The following POLR2F variants were observed in gnomAD, a reference collection of about 807,000 sequenced individuals.
POLR2F encodes RNA polymerase II, I and III subunit F.
Under a neutral mutation model 22.7 loss-of-function variants are expected in POLR2F, and 12 were observed. The observed-to-expected ratio is 0.53, with a 90% CI of 0.34 to 0.86. The LOEUF (loss-of-function observed/expected upper bound fraction) is 0.86, where lower values mean the gene tolerates loss of function less well. Ranked by LOEUF, POLR2F falls within the 40% of genes least tolerant of loss-of-function variation. POLR2F has a pLI of 0.02. For synonymous variants in POLR2F, 57 were observed against 66.0 expected (o/e 0.86, Z 0.66); for missense variants, 126 against 171.5 (o/e 0.73, Z 1.48).
chr22:37,956,115 G>T (rs1302933337), intron 1 of POLR2F, among the ~76,000 whole-genome samples: 3 of 150,400 alleles, frequency 2.0e-5, no homozygotes, highest in Non-Finnish European at 1.5e-5. Context: ...TTGAGACGGA[G>T]TTTCACTCTT....
chr22:38,031,590 C>T (rs1357645824), downstream of POLR2F, among the ~76,000 whole-genome samples: 1 of 152,194 alleles, frequency 6.6e-6, no homozygotes, highest in African/African-American at 2.4e-5. The surrounding 1 kb of genome is among the most constrained non-coding windows in gnomAD (Gnocchi z 4.1). Flanking sequence ...CCCACCAGCA[C>T]CAACACCCTG....
At chr22:37,991,995 G>A (rs1932737058) in intron 1 of POLR2F, among the ~76,000 whole-genome samples, 2 of 152,206 alleles carry the variant, frequency 1.3e-5, no homozygotes, top group Non-Finnish European at 2.9e-5. Flanking sequence ...GAAGGAATGA[G>A]CATGCGCTCC....
In POLR2F at chr22:37,978,069, C is replaced by A; in HGVS notation, c.293+10899C>A. On this transcript the variant is annotated intron_variant, in intron 4 of 4. Coordinates refer to the POLR2F transcript ENST00000405557. This position sits in a 1 kb window ranked among gnomAD's most constrained non-coding sequence, Gnocchi z 5.0. The stretch of plus-strand genomic sequence containing the variant: ...GGTACTTGTAGTCCGGGTGGTCTTT[C>A]TTGTGCTGCATACGGAGCCGCTCAG... 1 of 1,609,176 alleles carries A rather than the reference C, an allele frequency of 6.2e-7. No homozygotes were observed. The highest frequency in any genetic ancestry group is 1.1e-5 in the South Asian group (1 of 90,662).
chr22:37,960,656 C>T (rs1474951023), intron 3 of POLR2F, among the ~76,000 whole-genome samples: 1 of 152,126 alleles, frequency 6.6e-6, no homozygotes, highest in Non-Finnish European at 1.5e-5. Flanking sequence ...CCGCCTCGGC[C>T]TCCCAAAGTG....
chr22:38,030,810 G>T (rs2085057321), downstream of POLR2F, among the ~76,000 whole-genome samples: 1 of 152,092 alleles, frequency 6.6e-6, no homozygotes, highest in African/African-American at 2.4e-5. Context: ...TGCTGGGAAG[G>T]CCTGGGGAGC....
intron 1 of POLR2F, among the ~76,000 whole-genome samples, chr22:37,991,636 T>G (rs1013840016): frequency 6.6e-6 from 1 of 152,212 alleles, no homozygotes; most frequent in Non-Finnish European, 1.5e-5. Context: ...AGGACATAGT[T>G]GCCTGAGGTG....
At chr22:37,960,904 C>T (rs1186762369) in intron 3 of POLR2F, among the ~76,000 whole-genome samples, 2 of 149,026 alleles carry the variant, frequency 1.3e-5, no homozygotes, top group East Asian at 2.0e-4. Context: ...GCTGGAGTGC[C>T]GTGGCGTGAT....
At chr22:38,011,438 T>C (rs574068464) in intron 1 of POLR2F, among the ~76,000 whole-genome samples, 1 of 152,056 alleles carries the variant, frequency 6.6e-6, no homozygotes, top group Admixed American at 6.5e-5. Context: ...TTTAAAAATA[T>C]GTTGTCAGAT....
chr22:37,967,774 G>A lies in POLR2F; in HGVS notation c.*59G>A, dbSNP rs577707917. ...CAATTTTCATTCTCACTTTATATGT[G>A]TAAATAATAAAATATTCAACTTTCC... On this transcript the variant is annotated 3_prime_UTR_variant, in exon 5 of 5. Coordinates refer to ENST00000442738, the MANE Select transcript of POLR2F (RefSeq NM_021974.5). 171 of 1,557,884 alleles carry A rather than the reference G, an allele frequency of 1.1e-4. 1 individual carries two copies. The Admixed American group carries it at 1.2e-3, about 11-fold the overall frequency.
At chr22:38,036,021 G>A (rs893790110) in intron 5 of POLR2F, among the ~76,000 whole-genome samples, 10 of 151,534 alleles carry the variant, frequency 6.6e-5, no homozygotes, top group Non-Finnish European at 1.0e-4. Context: ...TGTTGCGCAG[G>A]CTGGAGTGCA....
chr22:38,034,306 T>TCCCAGGCCTGGCAGCTTC (rs1394029678), intron 5 of POLR2F: 1 of 162,514 alleles, frequency 6.2e-6, no homozygotes, highest in Non-Finnish European at 1.5e-5. Context: ...CACCCCTGCG[T>TCCCAGGCCTGGCAGCTTC]CCCAGGCCTG....
upstream of POLR2F, among the ~76,000 whole-genome samples, chr22:37,981,532 G>A (rs899844079): frequency 6.6e-6 from 1 of 152,208 alleles, no homozygotes; most frequent in South Asian, 2.1e-4. Context: ...GGGGAACCTG[G>A]GGACAGGGAC....
intron 1 of POLR2F, among the ~76,000 whole-genome samples, chr22:38,014,299 A>G (rs1361105699): frequency 6.6e-6 from 1 of 151,536 alleles, no homozygotes; most frequent in Admixed American, 6.6e-5. Flanking sequence ...TCCACTCTGT[A>G]TGCCTTTTAT....
chr22:37,994,924 T>G (rs1033560587), intron 1 of POLR2F, among the ~76,000 whole-genome samples: 1 of 152,180 alleles, frequency 6.6e-6, no homozygotes, highest in East Asian at 1.9e-4. Flanking sequence ...GGATTATAGG[T>G]GTGCGCCACC....
At chr22:37,975,651 G>C (rs1054683008) in intron 4 of POLR2F, among the ~76,000 whole-genome samples, 2 of 152,208 alleles carry the variant, frequency 1.3e-5, no homozygotes, top group Non-Finnish European at 2.9e-5. Context: ...GCCAAGTCCT[G>C]CATTGGCCAA....
At chr22:37,983,594 T>C (rs372400283), upstream of POLR2F, 8 of 1,608,940 alleles carry the variant, frequency 5.0e-6, no homozygotes, top group African/African-American at 8.0e-5. This position sits in a 1 kb window ranked among gnomAD's most constrained non-coding sequence, Gnocchi z 9.5. Context: ...CTTGTCATCG[T>C]CCGCCTCGCC....
chr22:37,957,082 C>T lies in POLR2F; in HGVS notation c.90+240C>T, dbSNP rs1389238194. On this transcript the variant is annotated intron_variant, in intron 2 of 4. Transcript: ENST00000442738. ...GCTTCTGGGGCAGTTAGTTCACTGACAAGTTAAACGGTGCCTTCCTTCATT... is the reference window on the plus strand; with the variant it reads ...GCTTCTGGGGCAGTTAGTTCACTGATAAGTTAAACGGTGCCTTCCTTCATT... Among the ~76,000 whole-genome samples the T allele has an allele frequency of 2.0e-5, 3 of 152,206 alleles. No homozygotes were observed. The East Asian group carries it at 5.8e-4, about 29-fold the overall frequency.
intron 1 of POLR2F, among the ~76,000 whole-genome samples, chr22:38,021,597 C>T (rs2084960589): frequency 6.6e-6 from 1 of 152,104 alleles, no homozygotes; most frequent in African/African-American, 2.4e-5. Flanking sequence ...GCTGGGATTA[C>T]AGGCACGCGC....
intron 1 of POLR2F, among the ~76,000 whole-genome samples, chr22:38,001,050 C>T (rs992042638): frequency 1.3e-5 from 2 of 152,068 alleles, no homozygotes; most frequent in Non-Finnish European, 2.9e-5. Context: ...TAAGGAGTGG[C>T]GGCTGGCATG....
Sources: gnomAD v4.1 joint callset for allele counts (sites outside exome capture counted in the v4.1 genomes callset) on GRCh38, gnomAD v4.1.1 for gene constraint, Gnocchi (gnomAD v3.1) non-coding constraint, MANE v1.5 for transcripts, NCBI Gene and HGNC (gene_info 2026-07-23, HGNC 2026-07-21) for gene names.